PPP1R9A: variants seen among roughly 807,000 people sequenced by gnomAD.
PPP1R9A encodes the protein protein phosphatase 1 regulatory subunit 9A, also known as neurabin-1.
Under a neutral mutation model 141.9 loss-of-function variants are expected in PPP1R9A, and 59 were observed. The ratio of observed to expected loss-of-function variants is 0.42; its 90% CI spans 0.34 to 0.52. The LOEUF is 0.52. Ranked by LOEUF, PPP1R9A falls within the 20% of genes least tolerant of loss-of-function variation. The pLI, the probability that PPP1R9A is intolerant of heterozygous loss-of-function variation, is 0.10. For synonymous variants in PPP1R9A, 500 were observed against 569.7 expected (o/e 0.88, Z 1.74); for missense variants, 1,444 against 1,611.9 (o/e 0.90, Z 1.78).
intron 2 of PPP1R9A, among the ~76,000 whole-genome samples, chr7:94,957,039 A>G (rs1319845161): frequency 1.3e-5 from 2 of 152,192 alleles, no homozygotes; most frequent in Non-Finnish European, 2.9e-5. Flanking sequence ...TATAAATGGG[A>G]CTTATGAAAT....
intron 2 of PPP1R9A, among the ~76,000 whole-genome samples, chr7:95,003,893 A>T (rs1803265213): frequency 6.6e-6 from 1 of 152,170 alleles, no homozygotes; most frequent in Admixed American, 6.6e-5. Context: ...GAAGAAAAGG[A>T]GTGACCTGTA....
intron 4 of PPP1R9A, among the ~76,000 whole-genome samples, chr7:95,161,604 A>T (rs1419327654): frequency 4.6e-5 from 7 of 152,174 alleles, no homozygotes; most frequent in Admixed American, 6.5e-5. Context: ...AATGCTGTGT[A>T]GTTAAGTTTT....
chr7:94,988,777 A>G (rs1435504673), intron 2 of PPP1R9A, among the ~76,000 whole-genome samples: 2 of 152,074 alleles, frequency 1.3e-5, no homozygotes, highest in African/African-American at 4.8e-5. Context: ...ATACAAATAC[A>G]TATACATATA....
At chr7:95,049,865 G>A (rs1810548245) in intron 2 of PPP1R9A, among the ~76,000 whole-genome samples, 1 of 152,018 alleles carries the variant, frequency 6.6e-6, no homozygotes. Context: ...TTTCTTTTTA[G>A]CTCTGAATAG....
chr7:95,204,262 TAATAA>T (rs1388317470), intron 7 of PPP1R9A, among the ~76,000 whole-genome samples: 1 of 152,202 alleles, frequency 6.6e-6, no homozygotes, highest in Non-Finnish European at 1.5e-5. Flanking sequence ...ATACTTTAAA[TAATAA>T]AATAATTCTC....
At chr7:95,082,974 C>G (rs1454548811) in intron 2 of PPP1R9A, among the ~76,000 whole-genome samples, 1 of 151,574 alleles carries the variant, frequency 6.6e-6, no homozygotes, top group Non-Finnish European at 1.5e-5. Context: ...CCAGGATGGT[C>G]TCAATCTCCT....
intron 5 of PPP1R9A, among the ~76,000 whole-genome samples, chr7:95,188,029 C>T (rs1053156757): frequency 6.7e-6 from 1 of 150,252 alleles, no homozygotes; most frequent in Non-Finnish European, 1.5e-5. Flanking sequence ...CATTTGAAGT[C>T]CATTATTTTG....
intron 2 of PPP1R9A, among the ~76,000 whole-genome samples, chr7:95,080,373 A>G (rs1369981073): frequency 1.3e-5 from 2 of 152,022 alleles, no homozygotes. Flanking sequence ...CTAGGAATCC[A>G]ACTTACAAGG....
At chr7:95,042,568 T>C (rs533676920) in intron 2 of PPP1R9A, among the ~76,000 whole-genome samples, 1 of 152,294 alleles carries the variant, frequency 6.6e-6, no homozygotes, top group South Asian at 2.1e-4. Flanking sequence ...GTGATTCATT[T>C]ATTACACATT....
Position 95,161,977 on chromosome 7 carries a change from T to C in PPP1R9A, c.1754+6T>C. Reference sequence around the variant, plus strand: ...AACACCAAGGGCAACGTCAGGTAAATACGTGCCTTCTAATATACACCATGT... The same window carrying C: ...AACACCAAGGGCAACGTCAGGTAAACACGTGCCTTCTAATATACACCATGT... On this transcript the variant is annotated splice_donor_region_variant and intron_variant, in intron 5 of 19. Coordinates refer to ENST00000433360, the MANE Select transcript of PPP1R9A (RefSeq NM_001166160.2). 6.3e-7 allele frequency: 1 copy of C among 1,577,436 alleles called. No homozygotes were observed. The highest frequency in any genetic ancestry group is 8.7e-7 in the Non-Finnish European group (1 of 1,150,664).
intron 2 of PPP1R9A, among the ~76,000 whole-genome samples, chr7:94,953,223 C>G (rs1796679364): frequency 6.6e-6 from 1 of 152,130 alleles, no homozygotes; most frequent in Non-Finnish European, 1.5e-5. Flanking sequence ...GTATCCATTA[C>G]CCATTGCTTG....
At chr7:95,045,200 A>G (rs1809826380) in intron 2 of PPP1R9A, among the ~76,000 whole-genome samples, 1 of 152,206 alleles carries the variant, frequency 6.6e-6, no homozygotes, top group South Asian at 2.1e-4. Context: ...ACCGAGGGGC[A>G]TGCAGTGGAA....
intron 12 of PPP1R9A, among the ~76,000 whole-genome samples, chr7:95,266,342 A>G (rs1375130803): frequency 6.6e-6 from 1 of 151,702 alleles, no homozygotes; most frequent in Non-Finnish European, 1.5e-5. Flanking sequence ...TTTTTTTATC[A>G]TGTTATCTAA....
At chr7:94,988,917 T>C (rs1417497374) in intron 2 of PPP1R9A, among the ~76,000 whole-genome samples, 1 of 152,046 alleles carries the variant, frequency 6.6e-6, no homozygotes, top group Non-Finnish European at 1.5e-5. Context: ...TTTTAGGTTA[T>C]TTTACTCCCA....
intron 2 of PPP1R9A, among the ~76,000 whole-genome samples, chr7:95,079,198 A>T: frequency 6.6e-6 from 1 of 152,200 alleles, no homozygotes; most frequent in Non-Finnish European, 1.5e-5. Context: ...CTTTCTACAT[A>T]TGGCTAGCCA....
intron 3 of PPP1R9A, among the ~76,000 whole-genome samples, chr7:95,114,357 G>A (rs1821096664): frequency 6.6e-6 from 1 of 152,108 alleles, no homozygotes; most frequent in African/African-American, 2.4e-5. Flanking sequence ...ACACAAATGA[G>A]TAGTTTTTAA....
chr7:95,215,186 G>T (rs1793067737), intron 7 of PPP1R9A, among the ~76,000 whole-genome samples: 1 of 132,320 alleles, frequency 7.6e-6, no homozygotes, highest in South Asian at 2.3e-4. Flanking sequence ...TGTTCTCATT[G>T]TTCAATTCCC....
intron 5 of PPP1R9A, among the ~76,000 whole-genome samples, chr7:95,183,760 T>C (rs1231023183): frequency 6.6e-6 from 1 of 152,046 alleles, no homozygotes; most frequent in Non-Finnish European, 1.5e-5. Context: ...AATATTCTTA[T>C]AATTAGTATT....
intron 2 of PPP1R9A, among the ~76,000 whole-genome samples, chr7:95,034,992 G>A (rs889694809): frequency 6.6e-6 from 1 of 152,120 alleles, no homozygotes; most frequent in Non-Finnish European, 1.5e-5. Flanking sequence ...ACCAGGCTGT[G>A]TTTAACACCA....
Sources: allele counts gnomAD v4.1 joint callset (sites outside exome capture counted in the v4.1 genomes callset), GRCh38; gene constraint gnomAD v4.1.1; transcripts MANE v1.5; gene names NCBI Gene and HGNC (gene_info 2026-07-23, HGNC 2026-07-21).